ZBTB7C: variants seen among roughly 807,000 people sequenced by gnomAD.
ZBTB7C encodes the protein zinc finger and BTB domain containing 7C.
ZBTB7C carries 8 observed loss-of-function variants against 25.7 expected under a neutral mutation model. The observed-to-expected ratio is 0.31, with a 90% CI of 0.18 to 0.56. The LOEUF (loss-of-function observed/expected upper bound fraction) is 0.56. ZBTB7C is among the 20% of genes least tolerant of loss of function. The pLI, the probability that ZBTB7C is intolerant of heterozygous loss-of-function variation, is 0.91. For synonymous variants in ZBTB7C, 394 were observed against 369.0 expected, an observed-to-expected ratio of 1.07 and a Z score of -0.78; for missense variants, 824 against 855.2, an observed-to-expected ratio of 0.96 and a Z score of 0.46.
At chr18:48,092,598 C>T (rs907552185) in intron 3 of ZBTB7C, among the ~76,000 whole-genome samples, 1 of 152,176 alleles carries the variant, frequency 6.6e-6, no homozygotes, top group Non-Finnish European at 1.5e-5. Flanking sequence ...TTGCATCTGT[C>T]TTTAAGTTCT....
chr18:48,071,057 A>G (rs1002727980), intron 3 of ZBTB7C, among the ~76,000 whole-genome samples: 2 of 152,230 alleles, frequency 1.3e-5, no homozygotes, highest in East Asian at 3.8e-4. Flanking sequence ...TCTATAGCAC[A>G]ATGCCTAGTA....
chr18:48,291,572 C>A (rs577011470), intron 2 of ZBTB7C, among the ~76,000 whole-genome samples: 1 of 152,122 alleles, frequency 6.6e-6, no homozygotes. Context: ...GCCCAGGACT[C>A]GGTTGTTATG....
At chr18:48,208,510 G>A (rs551161251) in intron 2 of ZBTB7C, among the ~76,000 whole-genome samples, 1 of 152,122 alleles carries the variant, frequency 6.6e-6, no homozygotes, top group Admixed American at 6.5e-5. Context: ...AAAGGGGGTG[G>A]GGGAATATCT....
intron 2 of ZBTB7C, among the ~76,000 whole-genome samples, chr18:48,240,952 G>T (rs1341612321): frequency 6.6e-6 from 1 of 152,086 alleles, no homozygotes; most frequent in Non-Finnish European, 1.5e-5. Context: ...GTCTTCAAGA[G>T]ACTCACCTAA....
chr18:48,370,539 T>C (rs1198601705), intron 1 of ZBTB7C, among the ~76,000 whole-genome samples: 1 of 152,164 alleles, frequency 6.6e-6, no homozygotes. Context: ...TATTGTACTA[T>C]AGTTTCATAA....
chr18:48,222,406 A>T (rs1003216547), intron 2 of ZBTB7C, among the ~76,000 whole-genome samples: 1 of 152,222 alleles, frequency 6.6e-6, no homozygotes, highest in Admixed American at 6.5e-5. Context: ...GGCCAAGGAG[A>T]GGAGAGTGTG....
At chr18:48,307,508 G>A (rs976934092) in intron 2 of ZBTB7C, among the ~76,000 whole-genome samples, 1 of 152,208 alleles carries the variant, frequency 6.6e-6, no homozygotes, top group Admixed American at 6.5e-5. Flanking sequence ...TTATGATCAT[G>A]GTATTTACTG....
chr18:48,398,714 C>T (rs2048087561), intron 1 of ZBTB7C, among the ~76,000 whole-genome samples: 1 of 152,132 alleles, frequency 6.6e-6, no homozygotes, highest in African/African-American at 2.4e-5. Flanking sequence ...CCCTCATGCC[C>T]TTTTCTTTGT....
At chr18:48,399,508 C>T (rs965611356) in intron 1 of ZBTB7C, among the ~76,000 whole-genome samples, 8 of 152,180 alleles carry the variant, frequency 5.3e-5, no homozygotes, top group Non-Finnish European at 1.0e-4. Context: ...GAGGAGGCAC[C>T]GTGGCTGCAG....
chr18:48,043,207 G>A (rs995139180), intron 3 of ZBTB7C, among the ~76,000 whole-genome samples: 16 of 152,118 alleles, frequency 1.1e-4, no homozygotes, highest in Non-Finnish European at 1.8e-4. Context: ...ATATGCAACC[G>A]CCATATGACC....
chr18:48,398,405 T>C (rs955321287), intron 1 of ZBTB7C, among the ~76,000 whole-genome samples: 3 of 152,166 alleles, frequency 2.0e-5, no homozygotes, highest in Non-Finnish European at 2.9e-5. Flanking sequence ...ATATGGGCAG[T>C]GACCTTGAGG....
Position 48,390,108 on chromosome 18 carries a change from C to T in ZBTB7C, c.-304+19118G>A, listed in dbSNP as rs900211642. On this transcript the variant is annotated intron_variant, in intron 1 of 4. Coordinates refer to ENST00000590800, the MANE Select transcript of ZBTB7C (RefSeq NM_001318841.2). ...GCTGGCTTGTCCTGAGATACCTGTG[C>T]TTTTCTGTTTTAATTAAAATCAATA... 2.6e-5 allele frequency among the ~76,000 whole-genome samples: 4 copies of T among 152,266 alleles called. No homozygotes were observed. The South Asian group carries it at 8.3e-4, about 32-fold the overall frequency.
intron 3 of ZBTB7C, among the ~76,000 whole-genome samples, chr18:48,046,659 G>A: frequency 6.6e-6 from 1 of 152,218 alleles, no homozygotes; most frequent in East Asian, 1.9e-4. Flanking sequence ...TTGGTGATCA[G>A]CGTCCCACTG....
intron 1 of ZBTB7C, among the ~76,000 whole-genome samples, chr18:48,345,101 C>T (rs1305367272): frequency 1.3e-5 from 2 of 152,172 alleles, no homozygotes; most frequent in South Asian, 4.1e-4. Flanking sequence ...TTCCTCTAAG[C>T]CAAGGGTCCA....
chr18:48,353,846 G>A (rs565491897), intron 1 of ZBTB7C, among the ~76,000 whole-genome samples: 81 of 152,296 alleles, frequency 5.3e-4, no homozygotes, highest in African/African-American at 1.7e-3. Context: ...CTCACACAGC[G>A]TGGAAGTGGT....
intron 2 of ZBTB7C, among the ~76,000 whole-genome samples, chr18:48,323,214 A>T (rs55720737): frequency 0.14 from 20,615 of 152,046 alleles, 1,627 homozygotes; most frequent in Non-Finnish European, 0.19. Flanking sequence ...ATATCAATTT[A>T]AAAAAAAGCC....
At position 48,095,015 on chromosome 18, in the gene ZBTB7C, T is replaced by C. The variant is rs1033805990; in HGVS notation, c.-16-53892A>G. On this transcript the variant is annotated intron_variant, in intron 3 of 4. Coordinates refer to ENST00000590800, the MANE Select transcript of ZBTB7C (RefSeq NM_001318841.2). ...AGCACTTTTCAACCTGGCAAGGCAT[T>C]TCTGGGTTATTCTTCTCACTCTGGG... Among the ~76,000 whole-genome samples, 53 of 152,102 alleles carry C rather than the reference T, an allele frequency of 3.5e-4. 1 individual carries two copies. The highest frequency in any genetic ancestry group is 1.0e-3 in the South Asian group (5 of 4,818).
intron 3 of ZBTB7C, among the ~76,000 whole-genome samples, chr18:48,130,524 A>C (rs1347507794): frequency 6.6e-6 from 1 of 152,086 alleles, no homozygotes; most frequent in Non-Finnish European, 1.5e-5. Flanking sequence ...CATTTGTATG[A>C]CTCTGCTAAT....
At chr18:48,326,852 C>G (rs1009648101) in intron 2 of ZBTB7C, among the ~76,000 whole-genome samples, 16 of 152,320 alleles carry the variant, frequency 1.1e-4, no homozygotes, top group African/African-American at 3.8e-4. Flanking sequence ...TTAGTGTATA[C>G]CTCTGTAAAA....
Sources: gnomAD v4.1 joint callset for allele counts (sites outside exome capture counted in the v4.1 genomes callset) on GRCh38, gnomAD v4.1.1 for gene constraint, MANE v1.5 for transcripts, NCBI Gene and HGNC (gene_info 2026-07-23, HGNC 2026-07-21) for gene names.